TRPM3: variants seen among roughly 807,000 people sequenced by gnomAD.
TRPM3 encodes transient receptor potential cation channel subfamily M member 3.
In TRPM3, 77 loss-of-function variants were observed where a neutral mutation model predicts 181.2. The ratio of observed to expected loss-of-function variants is 0.42; its 90% confidence interval spans 0.35 to 0.51. The LOEUF is 0.51. TRPM3 is among the 20% of genes least tolerant of loss of function. The pLI is 0.01. For synonymous variants in TRPM3, 745 were observed against 796.4 expected (o/e 0.94, Z 1.09); for missense variants, 1,759 against 2,196.7 (o/e 0.80, Z 3.98).
chr9:71,133,893 G>C (rs1188304899), intron 1 of TRPM3, among the ~76,000 whole-genome samples: 1 of 152,004 alleles, frequency 6.6e-6, no homozygotes, highest in African/African-American at 2.4e-5. Flanking sequence ...TGGTTAGTAA[G>C]CTGCTTTGAA....
intron 6 of TRPM3, among the ~76,000 whole-genome samples, chr9:70,795,323 A>C (rs1281272609): frequency 1.3e-5 from 2 of 152,226 alleles, no homozygotes; most frequent in East Asian, 3.8e-4. Flanking sequence ...CTGGCACTTA[A>C]GAGTTTTATG....
chr9:70,701,057 C>A (rs1489954230), intron 8 of TRPM3, among the ~76,000 whole-genome samples: 1 of 152,044 alleles, frequency 6.6e-6, no homozygotes, highest in Non-Finnish European at 1.5e-5. Context: ...TAGAATGATG[C>A]CTATTTTATG....
chr9:71,211,362 T>TG lies in TRPM3; in HGVS notation c.183+235290_183+235291insC, dbSNP rs1027351140. Among the ~76,000 whole-genome samples the TG allele has an allele frequency of 1.8e-3, 28 of 15,540 alleles. No homozygotes were observed. The South Asian group carries it at 0.13, about 71-fold the overall frequency. 10.2% of individuals were successfully genotyped at this position (15,540 alleles called of 152,430 possible). A position where few individuals can be genotyped will look rare whatever the true frequency, so the allele number is the denominator to read the frequency against. ...GTTACTGTTCTTTTATATGATTGTGTTTTTTTTTTTTTAAATAGGAAGAGT... is the reference window on the plus strand; with the variant it reads ...GTTACTGTTCTTTTATATGATTGTGTGTTTTTTTTTTTTAAATAGGAAGAGT... On this transcript the variant is annotated intron_variant, in intron 1 of 24. Coordinates refer to the TRPM3 transcript ENST00000357533.
intron 1 of TRPM3, among the ~76,000 whole-genome samples, chr9:71,426,947 T>C (rs137961487): frequency 0.02 from 3,012 of 152,290 alleles, 45 homozygotes; most frequent in Middle Eastern, 0.065. Flanking sequence ...AATAAAAGAT[T>C]ACTTCCCCAA....
In TRPM3 at chr9:70,842,395, T is replaced by TAA. The variant is rs71367233; in HGVS notation, c.801+606_801+607dup. On this transcript the variant is annotated intron_variant, in intron 5 of 25. Transcript: ENST00000677713. ...ATTCAAAGTATTTTGCATTGCATTT[T>TAA]AAAAAATTGCATATATTGTGTTGGA... 1.3e-3 allele frequency among the ~76,000 whole-genome samples: 195 copies of TAA among 152,166 alleles called. 1 individual carries two copies. Among genetic ancestry groups the TAA allele is most frequent in the Non-Finnish European group, 4.0e-4 (27 of 68,026 alleles).
chr9:71,333,692 G>A (rs2090370580), intron 1 of TRPM3, among the ~76,000 whole-genome samples: 1 of 151,872 alleles, frequency 6.6e-6, no homozygotes, highest in Non-Finnish European at 1.5e-5. Flanking sequence ...TAACTTGAGG[G>A]CAGTTTTGTG....
At chr9:70,964,230 T>G (rs1260884861) in intron 1 of TRPM3, among the ~76,000 whole-genome samples, 1 of 152,070 alleles carries the variant, frequency 6.6e-6, no homozygotes, top group Non-Finnish European at 1.5e-5. Context: ...GATCATAAAC[T>G]CCAAAAGGGC....
intron 1 of TRPM3, among the ~76,000 whole-genome samples, chr9:71,067,071 C>A (rs926703781): frequency 3.3e-5 from 5 of 152,170 alleles, no homozygotes; most frequent in Non-Finnish European, 7.4e-5. Context: ...GAAACTCCCA[C>A]ATGCATAAAA....
At chr9:70,913,658 A>G (rs980611013) in intron 1 of TRPM3, among the ~76,000 whole-genome samples, 1 of 152,216 alleles carries the variant, frequency 6.6e-6, no homozygotes, top group Admixed American at 6.5e-5. Context: ...ATCATTCATG[A>G]TGCCCAGTCT....
At chr9:71,027,050 GGCT>G (rs2056635082) in intron 1 of TRPM3, among the ~76,000 whole-genome samples, 1 of 152,044 alleles carries the variant, frequency 6.6e-6, no homozygotes. Context: ...AGTACTTTGT[GGCT>G]GCCACCACCC....
chr9:71,192,984 G>A (rs1377215723), intron 1 of TRPM3, among the ~76,000 whole-genome samples: 2 of 151,814 alleles, frequency 1.3e-5, no homozygotes, highest in African/African-American at 4.8e-5. Context: ...AAATCTCAAA[G>A]CTGAGAGGAA....
intron 7 of TRPM3, 85 bp downstream of exon 7, chr9:70,784,020 T>G: frequency 6.6e-7 from 1 of 1,513,016 alleles, no homozygotes; most frequent in Non-Finnish European, 8.9e-7. Context: ...AGGTCTTGGT[T>G]GAGCTACTGA....
chr9:70,600,030 T>A (rs925174633), intron 20 of TRPM3, among the ~76,000 whole-genome samples: 4 of 152,212 alleles, frequency 2.6e-5, no homozygotes, highest in African/African-American at 9.7e-5. Flanking sequence ...TAACAGCAAT[T>A]TTCCAGTTCC....
At chr9:70,911,992 G>A (rs373656681) in intron 1 of TRPM3, among the ~76,000 whole-genome samples, 3 of 152,222 alleles carry the variant, frequency 2.0e-5, no homozygotes, top group African/African-American at 4.8e-5. Flanking sequence ...GAGGATTGAG[G>A]GCCTGGAAGG....
intron 1 of TRPM3, among the ~76,000 whole-genome samples, chr9:71,294,265 G>C (rs532201803): frequency 6.6e-6 from 1 of 151,924 alleles, no homozygotes; most frequent in East Asian, 1.9e-4. Context: ...TATGTAAAAA[G>C]AACTCCTATA....
intron 5 of TRPM3, among the ~76,000 whole-genome samples, chr9:70,829,811 A>G (rs1442566133): frequency 6.6e-6 from 1 of 152,150 alleles, no homozygotes; most frequent in Non-Finnish European, 1.5e-5. Context: ...TGCTAATCCC[A>G]TCCTGAGCTT....
intron 25 of TRPM3, among the ~76,000 whole-genome samples, chr9:70,541,116 G>T (rs562956869): frequency 1.5e-4 from 23 of 152,172 alleles, no homozygotes; most frequent in Non-Finnish European, 3.1e-4. Flanking sequence ...TGAGAGGAAA[G>T]CAGAGAAGGT....
intron 1 of TRPM3, among the ~76,000 whole-genome samples, chr9:70,915,248 A>G (rs1188701794): frequency 6.6e-6 from 1 of 152,196 alleles, no homozygotes; most frequent in East Asian, 1.9e-4. Flanking sequence ...AGATTGAAAT[A>G]ATTTTTAAAA....
At chr9:71,125,887 A>G (rs1376535016), upstream of TRPM3, among the ~76,000 whole-genome samples, 3 of 152,238 alleles carry the variant, frequency 2.0e-5, no homozygotes, top group African/African-American at 7.2e-5. Context: ...TAATTAAACT[A>G]AAGAGCTTTT....
Sources: allele counts gnomAD v4.1 joint callset (sites outside exome capture counted in the v4.1 genomes callset), GRCh38; gene constraint gnomAD v4.1.1; transcripts MANE v1.5; gene names NCBI Gene and HGNC (gene_info 2026-07-23, HGNC 2026-07-21).